Variants in ATP1B4 observed in about 807,000 individuals in gnomAD.
ATP1B4 encodes the protein ATPase Na+/K+ transporting family member beta 4.
A neutral mutation model predicts 29.6 loss-of-function variants in ATP1B4; 32 were observed. That is an observed-to-expected ratio of 1.08 (90% CI 0.82 to 1.45). ATP1B4 has a LOEUF of 1.45. ATP1B4 is among the 40% of genes most tolerant of loss of function. The pLI is 0.00. For synonymous variants in ATP1B4, 127 were observed against 102.1 expected, an observed-to-expected ratio of 1.24 and a Z score of -1.47; for missense variants, 323 against 276.2, an observed-to-expected ratio of 1.17 and a Z score of -1.20.
chrX:120,370,423 T>C (rs892823849), intron 2 of ATP1B4, among the ~76,000 whole-genome samples: 10 of 111,553 alleles, frequency 9.0e-5, no homozygotes, highest in Admixed American at 1.9e-4. Context: ...CTCAAGCAAT[T>C]TTCCCTCTGC....
At chrX:120,372,250 G>GA (rs3838205) in intron 4 of ATP1B4, among the ~76,000 whole-genome samples, 1 of 111,172 alleles carries the variant, frequency 9.0e-6, no homozygotes, top group African/African-American at 3.3e-5. Context: ...TCTTTGTGGG[G>GA]AAAAAAATGC....
rs955117165 is a variant in ATP1B4, at chrX:120,381,641, G to C, written c.*2007G>C. On this transcript the variant is annotated 3_prime_UTR_variant, in exon 8 of 8. Transcript: ENST00000218008. ...AACTTTTGTATTTTTGGCGGAGACA[G>C]GGTTTCACCATGTTGGCCAGGCTGG... is the stretch of plus-strand genomic sequence containing the variant. The C allele has an allele frequency of 9.0e-6, 1 of 111,337 alleles. No homozygotes were observed. The highest frequency in any genetic ancestry group is 9.6e-5 in the Admixed American group (1 of 10,443). The allele number at this position is 111,337 out of a possible 1,213,427, so 9.2% of individuals were successfully genotyped here.
intron 4 of ATP1B4, among the ~76,000 whole-genome samples, chrX:120,373,510 C>G (rs1470387526): frequency 1.8e-5 from 2 of 112,026 alleles, no homozygotes; most frequent in Non-Finnish European, 3.8e-5. Flanking sequence ...CTCTGAAATA[C>G]TGAGCTACTT....
intron 4 of ATP1B4, among the ~76,000 whole-genome samples, chrX:120,374,866 G>T (rs1180285776): frequency 3.8e-5 from 3 of 79,009 alleles, no homozygotes; most frequent in African/African-American, 4.9e-5. Flanking sequence ...TTATATATAA[G>T]GGTATATATA....
intron 6 of ATP1B4, 63 bp downstream of exon 6, chrX:120,376,499 C>T (rs1251620925): frequency 2.9e-6 from 3 of 1,019,576 alleles, no homozygotes; most frequent in Non-Finnish European, 4.1e-6. Context: ...GGTAGTCCAT[C>T]ACTTTCAAGG....
chrX:120,378,693 G>A lies in ATP1B4; in HGVS notation c.832G>A (p.Asp278Asn), dbSNP rs769215387. 120 of 1,208,314 alleles carry A rather than the reference G, an allele frequency of 9.9e-5. No homozygotes were observed. In the South Asian group the frequency reaches 2.0e-3, roughly 20 times the overall value. Residue 278 changes from aspartate to asparagine, a missense_variant, in exon 7 of 8, where the codon GAC becomes AAC. Asp to Asn is a conservative substitution (Grantham distance 23). Transcript: ENST00000218008. ...TTGCTTACAGAGAGGTGATGAAAAT[G>A]ACATCCGATCCATCAGTTACTACCC... Reference protein sequence around the residue: ...SCKVQRGDENDIRSISYYPES... With the variant: ...SCKVQRGDENNIRSISYYPES...
chrX:120,374,487 C>T (rs937738020), intron 4 of ATP1B4, among the ~76,000 whole-genome samples: 1 of 90,575 alleles, frequency 1.1e-5, no homozygotes, highest in Non-Finnish European at 2.1e-5. Flanking sequence ...CTTATATATA[C>T]CAGGATATAT....
At chrX:120,372,029 C>G (rs144690829) in intron 4 of ATP1B4, among the ~76,000 whole-genome samples, 12,180 of 111,934 alleles carry the variant, frequency 0.11, 602 homozygotes, top group Non-Finnish European at 0.16. Flanking sequence ...GGGTGGCAGT[C>G]GCTCCAACAT....
In ATP1B4 at chrX:120,380,531, C is replaced by A. The variant is rs1182718731; in HGVS notation, c.*897C>A. 1 of 112,144 alleles carries A rather than the reference C, an allele frequency of 8.9e-6. No individual in the cohort carries two copies. Among genetic ancestry groups the A allele is most frequent in the Non-Finnish European group, 1.9e-5 (1 of 53,261 alleles). 9.2% of individuals were successfully genotyped at this position (112,144 alleles called of 1,213,427 possible). Reference sequence around the variant, plus strand: ...TATGATTGGTGTTTGATTCCTTGCTCTCTGGTGTAATCGTCTAAAGGCAAA... The same window carrying A: ...TATGATTGGTGTTTGATTCCTTGCTATCTGGTGTAATCGTCTAAAGGCAAA... On this transcript the variant is annotated 3_prime_UTR_variant, in exon 8 of 8. Transcript: ENST00000218008.
chrX:120,375,392 G>A lies in ATP1B4; in HGVS notation c.583G>A (p.Glu195Lys). Residue 195 changes from glutamate (E) to lysine (K), a missense_variant, in exon 5 of 8, where the codon GAG becomes AAG. Transcript: ENST00000218008. ...TTTAGGTTATAATGACAGTCTTCAA[G>A]AGGAAATGAATGTAGATTGTCCCCC... ...FLQGYNDSLQ[E>K]EMNVDCPPGQ... is the part of the protein sequence containing the mutation. 1 of 1,209,843 alleles carries A rather than the reference G, an allele frequency of 8.3e-7. No homozygotes were observed.
chrX:120,364,569 A>G lies in ATP1B4; in HGVS notation c.64-1956A>G, dbSNP rs766176633. 3.8e-4 allele frequency among the ~76,000 whole-genome samples: 43 copies of G among 112,200 alleles called. No individual in the cohort carries two copies. The South Asian group carries it at 0.017, about 43-fold the overall frequency. ...CTCAAAATGTAGTTTGGGAGTTTAA[A>G]TGTGTGCATAGGTTCACACACAAGT... On this transcript the variant is annotated intron_variant, in intron 1 of 7. Coordinates refer to ENST00000218008, the MANE Select transcript of ATP1B4 (RefSeq NM_001142447.3).
Position 120,375,460 on chromosome X carries a change from G to A in ATP1B4, c.651G>A (p.Lys217=). The A allele has an allele frequency of 8.3e-7, 1 of 1,211,306 alleles. No homozygotes were observed. Among genetic ancestry groups the A allele is most frequent in the Non-Finnish European group, 1.1e-6 (1 of 895,139 alleles). The change falls in exon 5 of 8, where the codon AAG becomes AAA. Residue 217 remains lysine, a synonymous_variant. Coordinates refer to ENST00000218008, the MANE Select transcript of ATP1B4 (RefSeq NM_001142447.3). The part of the protein sequence containing the change: ...FIQDGNEDED[K]KACQFKRSFL... ...AAGATGGCAATGAGGATGAGGACAA[G>A]AAGGCCTGCCAATTTAAGCGCTCCT...
intron 5 of ATP1B4, among the ~76,000 whole-genome samples, chrX:120,376,140 C>T (rs1415559492): frequency 9.0e-6 from 1 of 111,177 alleles, no homozygotes; most frequent in Non-Finnish European, 1.9e-5. Flanking sequence ...TTAGCATTGA[C>T]TTGCTGACGT....
intron 2 of ATP1B4, among the ~76,000 whole-genome samples, chrX:120,369,539 G>A (rs147603683): frequency 4.0e-3 from 446 of 112,111 alleles, no homozygotes; most frequent in Non-Finnish European, 6.9e-3. Context: ...GTTCAAATCT[G>A]TAGGTCCAAC....
At chrX:120,364,669 T>C (rs1443884807) in intron 1 of ATP1B4, among the ~76,000 whole-genome samples, 1 of 112,609 alleles carries the variant, frequency 8.9e-6, no homozygotes, top group Non-Finnish European at 1.9e-5. Flanking sequence ...CCTTACACTG[T>C]GAGCCTATGT....
rs778399800 is a variant in ATP1B4 at position 120,371,087 on chromosome X, G to T, written c.458-19G>T. The T allele has an allele frequency of 5.9e-6, 7 of 1,183,533 alleles. No individual in the cohort carries two copies. The highest frequency in any genetic ancestry group is 2.3e-6 in the Non-Finnish European group (2 of 869,812). The stretch of plus-strand genomic sequence containing the variant: ...CCCAAGAATGGGTTAATATATCCAA[G>T]ACCTGTTTTCATTGCCAGGAGTTAT... On this transcript the variant is annotated intron_variant, in intron 3 of 7. Transcript: ENST00000218008.
At position 120,380,462 on chromosome X, in the gene ATP1B4, G is replaced by C. The variant is rs182619875; in HGVS notation, c.*828G>C. ...AAGACCGTCCTTGTGACTTTTTAAA[G>C]AGGTGGGGCTCACTGCAACTGGGGA... On this transcript the variant is annotated 3_prime_UTR_variant, in exon 8 of 8. Transcript: ENST00000218008. 1.4e-4 allele frequency: 16 copies of C among 112,362 alleles called. No homozygotes were observed. Among genetic ancestry groups the C allele is most frequent in the Non-Finnish European group, 2.8e-4 (15 of 53,272 alleles). 9.3% of individuals were successfully genotyped at this position (112,362 alleles called of 1,213,427 possible).
chrX:120,376,413 G>C lies in ATP1B4; in HGVS notation c.793G>C (p.Val265Leu), dbSNP rs747953543. 3.6e-5 allele frequency: 44 copies of C among 1,208,846 alleles called. No homozygotes were observed. The South Asian group carries it at 7.4e-4, about 20-fold the overall frequency. ...VGFRPELGDP[V>L]KVSCKVQRGD... ...CTTTCGTCCTGAGCTTGGAGATCCT[G>C]TGAAGGTTTCCTGCAAAGTTCAGGT... is the stretch of plus-strand genomic sequence containing the variant. Residue 265 changes from valine to leucine, a missense_variant, in exon 6 of 8, where the codon GTG becomes CTG. Transcript: ENST00000218008.
chrX:120,371,972 G>A (rs1360113301), intron 4 of ATP1B4, among the ~76,000 whole-genome samples: 1 of 112,576 alleles, frequency 8.9e-6, no homozygotes, highest in Non-Finnish European at 1.9e-5. Context: ...CCAGCCAAGT[G>A]TCATTATTTA....
Sources: allele counts gnomAD v4.1 joint callset (sites outside exome capture counted in the v4.1 genomes callset), GRCh38; gene constraint gnomAD v4.1.1; transcripts MANE v1.5; gene names NCBI Gene and HGNC (gene_info 2026-07-23, HGNC 2026-07-21).